The following LOC400499 variants were observed in gnomAD, a reference collection of about 807,000 sequenced individuals.
the LOC400499 span, chr16:11,390,343 G>T: frequency 3.2e-6 from 4 of 1,233,758 alleles, no homozygotes; most frequent in Non-Finnish European, 4.0e-6. Flanking sequence ...CCCTTTGCCT[G>T]GCATCCCGGG....
the LOC400499 span, among the ~76,000 whole-genome samples, chr16:11,493,478 C>CA: frequency 6.6e-6 from 1 of 152,146 alleles, no homozygotes; most frequent in Non-Finnish European, 1.5e-5. Flanking sequence ...TCCCACACTA[C>CA]ACACAGGCTT....
the LOC400499 span, among the ~76,000 whole-genome samples, chr16:11,527,347 G>T: frequency 6.6e-6 from 1 of 152,210 alleles, no homozygotes; most frequent in South Asian, 2.1e-4. Flanking sequence ...CAGCCAGTCA[G>T]AAGCCTCCAA....
the LOC400499 span, among the ~76,000 whole-genome samples, chr16:11,457,512 G>A: frequency 6.7e-6 from 1 of 148,800 alleles, no homozygotes; most frequent in East Asian, 2.0e-4. Context: ...AGAATGGTGT[G>A]AATTCAGGAG....
At chr16:11,410,404 A>T in the LOC400499 span, among the ~76,000 whole-genome samples, 1 of 152,150 alleles carries the variant, frequency 6.6e-6, no homozygotes, top group Non-Finnish European at 1.5e-5. Context: ...CAGTGAGCCG[A>T]AATTGTGCCA....
At chr16:11,408,110 G>A in the LOC400499 span, among the ~76,000 whole-genome samples, 1 of 150,850 alleles carries the variant, frequency 6.6e-6, no homozygotes, top group Non-Finnish European at 1.5e-5. Context: ...AGCCTCCTGA[G>A]TAACCAAGAT....
At chr16:11,409,570 A>G in the LOC400499 span, among the ~76,000 whole-genome samples, 2 of 152,250 alleles carry the variant, frequency 1.3e-5, no homozygotes, top group African/African-American at 2.4e-5. Flanking sequence ...AATTAAAAAG[A>G]CATGGCAACT....
At chr16:11,466,057 A>G in the LOC400499 span, among the ~76,000 whole-genome samples, 1 of 152,232 alleles carries the variant, frequency 6.6e-6, no homozygotes, top group East Asian at 1.9e-4. Context: ...GTCCTTCATT[A>G]TTAAACTAGC....
the LOC400499 span, among the ~76,000 whole-genome samples, chr16:11,498,109 G>A: frequency 6.6e-6 from 1 of 152,162 alleles, no homozygotes; most frequent in Non-Finnish European, 1.5e-5. Context: ...ACTGGGACCT[G>A]GGGGAGATCA....
the LOC400499 span, among the ~76,000 whole-genome samples, chr16:11,465,765 CG>C: frequency 8.4e-6 from 1 of 119,360 alleles, no homozygotes; most frequent in African/African-American, 3.2e-5. Context: ...AAAGAGAAGG[CG>C]GGGGGTGGGC....
the LOC400499 span, among the ~76,000 whole-genome samples, chr16:11,429,626 G>A: frequency 6.6e-6 from 1 of 151,842 alleles, no homozygotes; most frequent in African/African-American, 2.4e-5. Context: ...GGCGTGTACC[G>A]CCACCCCTGG....
chr16:11,502,254 T>G, the LOC400499 span: 42 of 398,158 alleles, frequency 1.1e-4, no homozygotes, highest in Non-Finnish European at 1.8e-4. Flanking sequence ...ACCCGTCCCC[T>G]GCCTGTAAGC....
At chr16:11,395,046 C>T in the LOC400499 span, among the ~76,000 whole-genome samples, 13 of 152,332 alleles carry the variant, frequency 8.5e-5, no homozygotes, top group African/African-American at 2.4e-4. Context: ...GCCCAGGACT[C>T]CTGTGGAATT....
the LOC400499 span, chr16:11,472,124 C>T: frequency 3.6e-6 from 1 of 280,738 alleles, no homozygotes; most frequent in Admixed American, 5.3e-5. Context: ...CCAAATATTT[C>T]TGCACATATT....
chr16:11,482,538 G>C, the LOC400499 span, among the ~76,000 whole-genome samples: 1 of 152,114 alleles, frequency 6.6e-6, no homozygotes, highest in African/African-American at 2.4e-5. Context: ...ACCATTGAGA[G>C]AACAAAAAGA....
the LOC400499 span, among the ~76,000 whole-genome samples, chr16:11,502,548 T>C: frequency 6.6e-6 from 1 of 152,138 alleles, no homozygotes; most frequent in African/African-American, 2.4e-5. Context: ...ATATAATTAT[T>C]CTAATGAGTC....
At chr16:11,486,212 T>TG in the LOC400499 span, among the ~76,000 whole-genome samples, 11 of 97,854 alleles carry the variant, frequency 1.1e-4, no homozygotes, top group Admixed American at 2.5e-4. Flanking sequence ...GATGAATGGA[T>TG]GATGGGTGGG....
At chr16:11,428,035 G>A in the LOC400499 span, among the ~76,000 whole-genome samples, 10 of 152,262 alleles carry the variant, frequency 6.6e-5, no homozygotes, top group South Asian at 1.9e-3. Context: ...CAAAGCAAAA[G>A]CAAGTTTATT....
the LOC400499 span, among the ~76,000 whole-genome samples, chr16:11,388,391 C>T: frequency 0.68 from 103,904 of 152,038 alleles, 38,489 homozygotes; most frequent in Non-Finnish European, 0.82. Flanking sequence ...GGGTTTAGTC[C>T]CTATTTTATG....
the LOC400499 span, among the ~76,000 whole-genome samples, chr16:11,421,030 C>T: frequency 6.6e-6 from 1 of 152,158 alleles, no homozygotes; most frequent in Admixed American, 6.5e-5. Flanking sequence ...GCCAAACTGT[C>T]CCCATCCACC....
Sources: gnomAD v4.1 joint callset for allele counts (sites outside exome capture counted in the v4.1 genomes callset) on GRCh38, gnomAD v4.1.1 for gene constraint, MANE v1.5 for transcripts.